RAPGEF5: variants seen among roughly 807,000 people sequenced by gnomAD.
The protein encoded by RAPGEF5 is M-Ras-regulated GEF.
A neutral mutation model predicts 125.2 loss-of-function variants in RAPGEF5; 65 were observed. The observed-to-expected ratio is 0.52, with a 90% CI of 0.43 to 0.64. RAPGEF5 has a LOEUF of 0.64. Ranked by LOEUF, RAPGEF5 falls within the 30% of genes least tolerant of loss-of-function variation. The probability of loss-of-function intolerance (pLI) is 0.00; values close to 1 mark genes in which losing one functional copy is unlikely to be tolerated. For missense variants in RAPGEF5, 958 were observed against 1,048.1 expected (o/e 0.91, Z 1.19); for synonymous variants, 391 against 385.9 (o/e 1.01, Z -0.16).
At chr7:22,192,524 A>G (rs1785028165) in intron 11 of RAPGEF5, 1 of 152,240 alleles carries the variant, frequency 6.6e-6, no homozygotes, top group South Asian at 2.1e-4. Flanking sequence ...CACAGGTGCT[A>G]TGGTAGGAGC....
chr7:22,251,463 C>T (rs1027798306), intron 7 of RAPGEF5, among the ~76,000 whole-genome samples: 6 of 152,180 alleles, frequency 3.9e-5, no homozygotes, highest in Admixed American at 2.6e-4. Flanking sequence ...ATCTGGGAAG[C>T]AGCTTCCACT....
chr7:22,277,672 G>A (rs748523243), intron 6 of RAPGEF5, among the ~76,000 whole-genome samples: 3 of 152,072 alleles, frequency 2.0e-5, no homozygotes, highest in African/African-American at 7.2e-5. Context: ...GTTGTCACCC[G>A]GAAGCTGCCC....
At chr7:22,153,618 C>A (rs144895526) in intron 17 of RAPGEF5, among the ~76,000 whole-genome samples, 1 of 152,176 alleles carries the variant, frequency 6.6e-6, no homozygotes, top group African/African-American at 2.4e-5. Flanking sequence ...CATCTCCCAA[C>A]TGCAGAATGA....
chr7:22,129,940 T>C lies in RAPGEF5; in HGVS notation c.2481+1097A>G, dbSNP rs147877461. On this transcript the variant is annotated intron_variant, in intron 24 of 25. Transcript: ENST00000665637. ...GGAGTTGGCTGGGTAAGCAGAGCAA[T>C]GTACTTCTGAGGCAAAGGTCAGGTG... 5.1e-3 allele frequency among the ~76,000 whole-genome samples: 780 copies of C among 152,212 alleles called. 12 individuals carry two copies. Among genetic ancestry groups the C allele is most frequent in the African/African-American group, 0.018 (750 of 41,540 alleles).
At chr7:22,288,772 T>G (rs1160836518) in intron 6 of RAPGEF5, among the ~76,000 whole-genome samples, 2 of 152,196 alleles carry the variant, frequency 1.3e-5, no homozygotes, top group Non-Finnish European at 2.9e-5. Flanking sequence ...TTCTTTGTGT[T>G]CGTTTTTGAA....
At position 22,119,690 on chromosome 7, in the gene RAPGEF5, G is replaced by A. The variant is rs1782526268; in HGVS notation, c.*2716C>T. On this transcript the variant is annotated 3_prime_UTR_variant, in exon 26 of 26. Transcript: ENST00000665637. The surrounding 1 kb of genome is among the most constrained non-coding windows in gnomAD (Gnocchi z 4.1). ...ACTTAGAAGTGCCCCTGCACCACCT[G>A]GTGCCGAAGGTGCCAGATTACGTAA... is the stretch of plus-strand genomic sequence containing the variant. 6.6e-6 allele frequency: 1 copy of A among 152,180 alleles called. No homozygotes were observed. The allele number at this position is 152,180 out of a possible 1,614,324, so 9.4% of individuals were successfully genotyped here.
chr7:22,286,571 C>G (rs1041834173), intron 6 of RAPGEF5, among the ~76,000 whole-genome samples: 8 of 152,136 alleles, frequency 5.3e-5, no homozygotes, highest in Non-Finnish European at 1.0e-4. Context: ...ACGTTTTTAT[C>G]TCCTATTTAA....
At chr7:22,287,095 T>C (rs1276490714) in intron 6 of RAPGEF5, among the ~76,000 whole-genome samples, 2 of 152,224 alleles carry the variant, frequency 1.3e-5, no homozygotes, top group African/African-American at 4.8e-5. Context: ...CTTTATGTAA[T>C]GGAAAGGGTC....
Position 22,356,811 on chromosome 7 carries a change from A to T in RAPGEF5, c.231+19T>A, listed in dbSNP as rs1354761302. 6.1e-6 allele frequency: 7 copies of T among 1,152,918 alleles called. No homozygotes were observed. Among genetic ancestry groups the T allele is most frequent in the South Asian group, 4.3e-5 (1 of 23,302 alleles). The allele number at this position is 1,152,918 out of a possible 1,614,324, so 71.4% of individuals were successfully genotyped here. A position where few individuals can be genotyped will look rare whatever the true frequency, so the allele number is the denominator to read the frequency against. ...GTGCGCGCCGCCCGTGCCCACTCGGACAGGGCCGGGCCACTCACCCGGCCC... is the reference window on the plus strand; with the variant it reads ...GTGCGCGCCGCCCGTGCCCACTCGGTCAGGGCCGGGCCACTCACCCGGCCC... On this transcript the variant is annotated intron_variant, in intron 1 of 25. Coordinates refer to ENST00000665637, the MANE Select transcript of RAPGEF5 (RefSeq NM_012294.5).
intron 11 of RAPGEF5, among the ~76,000 whole-genome samples, chr7:22,185,959 A>G (rs750105587): frequency 3.3e-5 from 5 of 151,992 alleles, no homozygotes; most frequent in African/African-American, 7.3e-5. Flanking sequence ...CATTCAAGCA[A>G]TTCTCATGCC....
intron 8 of RAPGEF5, among the ~76,000 whole-genome samples, chr7:22,226,513 C>A (rs1003175621): frequency 6.6e-6 from 1 of 152,110 alleles, no homozygotes; most frequent in Non-Finnish European, 1.5e-5. Context: ...TCTCAAATTT[C>A]TTCAGAGAAA....
intron 6 of RAPGEF5, among the ~76,000 whole-genome samples, chr7:22,273,211 A>ATT (rs71026869): frequency 9.8e-3 from 948 of 96,546 alleles, no homozygotes; most frequent in Middle Eastern, 0.018. Flanking sequence ...ACTTAGGAGT[A>ATT]TTTTTTTTTT....
chr7:22,255,228 C>T (rs544253924), intron 7 of RAPGEF5, among the ~76,000 whole-genome samples: 3 of 152,170 alleles, frequency 2.0e-5, no homozygotes, highest in African/African-American at 4.8e-5. Context: ...AACAATTTAA[C>T]GTAAAACATT....
chr7:22,172,296 T>C (rs1425457427), intron 11 of RAPGEF5, among the ~76,000 whole-genome samples: 3 of 152,036 alleles, frequency 2.0e-5, no homozygotes, highest in African/African-American at 7.2e-5. Context: ...CTAATTTTTG[T>C]ATTTTTAGTA....
At chr7:22,142,497 T>C (rs750037962) in intron 20 of RAPGEF5, among the ~76,000 whole-genome samples, 14 of 152,242 alleles carry the variant, frequency 9.2e-5, no homozygotes, top group Non-Finnish European at 1.8e-4. Flanking sequence ...TAGCTTTCTT[T>C]TTTAGTCATA....
chr7:22,239,538 G>A (rs1191763166), intron 7 of RAPGEF5, among the ~76,000 whole-genome samples: 1 of 151,874 alleles, frequency 6.6e-6, no homozygotes, highest in Non-Finnish European at 1.5e-5. Flanking sequence ...AGAGAGTTCT[G>A]GGTGGCCTCG....
chr7:22,155,015 GTC>G (rs1378894689), intron 16 of RAPGEF5, among the ~76,000 whole-genome samples: 1 of 152,158 alleles, frequency 6.6e-6, no homozygotes, highest in Non-Finnish European at 1.5e-5. Context: ...ATATTAAAGT[GTC>G]TAATTCATAA....
intron 6 of RAPGEF5, among the ~76,000 whole-genome samples, chr7:22,281,314 C>A (rs550776070): frequency 2.0e-5 from 3 of 152,272 alleles, no homozygotes; most frequent in Admixed American, 6.5e-5. Flanking sequence ...CGAGCTCAAG[C>A]CATCCTCCCA....
intron 25 of RAPGEF5, chr7:22,125,240 G>A (rs3815260): frequency 0.74 from 130,688 of 177,732 alleles, 48,497 homozygotes; most frequent in East Asian, 0.91. Flanking sequence ...GAGGTTAGGG[G>A]CAAGGTCACC....
Sources: gnomAD v4.1 joint callset for allele counts (sites outside exome capture counted in the v4.1 genomes callset) on GRCh38, gnomAD v4.1.1 for gene constraint, Gnocchi (gnomAD v3.1) non-coding constraint, MANE v1.5 for transcripts, NCBI Gene and HGNC (gene_info 2026-07-23, HGNC 2026-07-21) for gene names.